ABCC10: variants seen among roughly 807,000 people sequenced by gnomAD.
ABCC10 encodes the protein ATP binding cassette subfamily C member 10.
ABCC10 carries 110 observed loss-of-function variants against 143.2 expected under a neutral mutation model. That is an observed-to-expected ratio of 0.77 (90% confidence interval 0.66 to 0.90). The LOEUF (loss-of-function observed/expected upper bound fraction) is 0.90, where lower values mean the gene tolerates loss of function less well. Ranked by LOEUF, ABCC10 falls within the 40% of genes least tolerant of loss-of-function variation. The pLI, the probability that ABCC10 is intolerant of heterozygous loss-of-function variation, is 0.00. For synonymous variants in ABCC10, 805 were observed against 846.7 expected (o/e 0.95, Z 0.85); for missense variants, 1,700 against 1,900.5 (o/e 0.89, Z 1.96).
downstream of ABCC10, chr6:43,450,494 G>C: frequency 6.6e-7 from 1 of 1,519,334 alleles, no homozygotes; most frequent in South Asian, 1.3e-5. This position sits in a 1 kb window ranked among gnomAD's most constrained non-coding sequence, Gnocchi z 4.5. Context: ...TCCAGTCTGA[G>C]GGGTGGAAGA....
rs1169452439 is a variant in ABCC10 at position 43,449,105 on chromosome 6, AG to A, written c.4106del. 6.2e-7 allele frequency: 1 copy of A among 1,614,138 alleles called. No individual in the cohort carries two copies. The highest frequency in any genetic ancestry group is 8.5e-7 in the Non-Finnish European group (1 of 1,179,994). On this transcript the variant is annotated splice_acceptor_variant, in intron 19 of 21. Coordinates refer to ENST00000372530, the MANE Select transcript of ABCC10 (RefSeq NM_001198934.2). LOFTEE classifies it high-confidence loss of function. ...CCTGCAACGAAGATGCTTTCCTTGCAGGTGGTCTGGATGGTGAGCTGGGTGA... is the reference window on the plus strand; with the variant it reads ...CCTGCAACGAAGATGCTTTCCTTGCAGTGGTCTGGATGGTGAGCTGGGTGA...
chr6:43,438,629 G>A lies in ABCC10; in HGVS notation c.1961G>A (p.Arg654His), dbSNP rs556386730. Residue 654 changes from arginine (R) to histidine (H), a missense_variant, in exon 8 of 22, where the codon CGT (arginine) becomes CAT (histidine). Physicochemically the swap from Arg to His is conservative, Grantham distance 29. Coordinates refer to ENST00000372530, the MANE Select transcript of ABCC10 (RefSeq NM_001198934.2). ...GCTCGCCTGGCTCTCTGCAGGCTGC[G>A]TGGGCATGTGGCAGTGCGGGGGCTG... The part of the protein sequence containing the change: ...AAIAGELHRL[R>H]GHVAVRGLSK... The A allele has an allele frequency of 6.8e-6, 11 of 1,613,832 alleles. No homozygotes were observed. Among genetic ancestry groups the A allele is most frequent in the South Asian group, 3.3e-5 (3 of 91,086 alleles).
Position 43,443,430 on chromosome 6 carries a change from T to G in ABCC10, c.2416+271T>G. 2.5e-6 allele frequency: 1 copy of G among 400,004 alleles called. No individual in the cohort carries two copies. The highest frequency in any genetic ancestry group is 4.4e-6 in the Non-Finnish European group (1 of 225,714). 24.8% of individuals were successfully genotyped at this position (400,004 alleles called of 1,614,324 possible). The stretch of plus-strand genomic sequence containing the variant: ...GGTCTCTGAGAACATTCTCATATCT[T>G]CAGAGAAGAGAAAGGAGTCAGGTTT... On this transcript the variant is annotated intron_variant, in intron 10 of 21. Transcript: ENST00000372530. This position sits in a 1 kb window ranked among gnomAD's most constrained non-coding sequence, Gnocchi z 4.2.
intron 2 of ABCC10, among the ~76,000 whole-genome samples, chr6:43,429,409 T>TGTGTGG (rs1562163670): frequency 7.3e-5 from 2 of 27,464 alleles, no homozygotes; most frequent in Non-Finnish European, 1.6e-4. Flanking sequence ...TGTGTGTGTG[T>TGTGTGG]GGCGGGGGGG....
chr6:43,450,205 C>A lies in ABCC10; in HGVS notation c.*114C>A. The A allele has an allele frequency of 3.0e-6, 4 of 1,312,016 alleles. No individual in the cohort carries two copies. Among genetic ancestry groups the A allele is most frequent in the Non-Finnish European group, 4.2e-6 (4 of 957,436 alleles). 81.3% of individuals were successfully genotyped at this position (1,312,016 alleles called of 1,614,324 possible). ...TCTGGGGCTCTACCTCTCCACACTT[C>A]CCCAGAAGGGAAAAGGGCACCCTGG... On this transcript the variant is annotated 3_prime_UTR_variant, in exon 22 of 22. Coordinates refer to ENST00000372530, the MANE Select transcript of ABCC10 (RefSeq NM_001198934.2). The surrounding 1 kb of genome is among the most constrained non-coding windows in gnomAD (Gnocchi z 4.5).
At chr6:43,436,047 A>C in intron 5 of ABCC10, 91 bp from the exon 6 acceptor site, 1 of 1,605,916 alleles carries the variant, frequency 6.2e-7, no homozygotes, top group Non-Finnish European at 8.5e-7. Context: ...GGGCAGGTAG[A>C]TATGGGGCTG....
chr6:43,434,536 T>A, intron 3 of ABCC10, 85 bp from the exon 4 acceptor site: 1 of 1,305,554 alleles, frequency 7.7e-7, no homozygotes, highest in South Asian at 1.3e-5. Flanking sequence ...CTGAACATTC[T>A]GCCAGCAGCC....
intron 7 of ABCC10, 63 bp from the exon 8 acceptor site, chr6:43,438,561 G>T: frequency 6.3e-7 from 1 of 1,577,934 alleles, no homozygotes; most frequent in Non-Finnish European, 8.6e-7. Flanking sequence ...AGGAGTCAAG[G>T]GCTGGGCATG....
At chr6:43,446,190 C>T in intron 15 of ABCC10, 87 bp from the exon 16 acceptor site, 2 of 1,487,726 alleles carry the variant, frequency 1.3e-6, no homozygotes, top group Non-Finnish European at 1.8e-6. Context: ...AGGAGCTGCT[C>T]AATAAGGGCC....
intron 2 of ABCC10, 165 bp from the exon 3 acceptor site, chr6:43,431,977 C>G: frequency 7.0e-7 from 1 of 1,431,788 alleles, no homozygotes; most frequent in Non-Finnish European, 9.2e-7. Flanking sequence ...GGAAGACTTC[C>G]TGGGAGAAAA....
chr6:43,436,773 G>T (rs9349256), intron 6 of ABCC10, among the ~76,000 whole-genome samples: 1 of 152,004 alleles, frequency 6.6e-6, no homozygotes, highest in South Asian at 2.1e-4. Flanking sequence ...CCTGACCTTT[G>T]TCCAACCCTG....
At position 43,428,104 on chromosome 6, in the gene ABCC10, C is replaced by T. The variant is rs750021761; in HGVS notation, c.126C>T (p.Leu42=). The T allele has an allele frequency of 2.1e-5, 32 of 1,551,034 alleles. No homozygotes were observed. Among genetic ancestry groups the T allele is most frequent in the Non-Finnish European group, 2.8e-5 (32 of 1,149,726 alleles). ...TCAGCGCCCTGCCCCACGCGCTCCTCGCCGTGCTCAGTGCCTGTTACTTGG... is the reference window on the plus strand; with the variant it reads ...TCAGCGCCCTGCCCCACGCGCTCCTTGCCGTGCTCAGTGCCTGTTACTTGG... ...LVLSALPHAL[L]AVLSACYLGT... Residue 42 remains leucine, a synonymous_variant, in exon 2 of 22, where the codon CTC becomes CTT. Coordinates refer to ENST00000372530, the MANE Select transcript of ABCC10 (RefSeq NM_001198934.2).
At chr6:43,432,095 C>A (rs1254514982) in intron 2 of ABCC10, 47 bp from the exon 3 acceptor site, 1 of 1,597,826 alleles carries the variant, frequency 6.3e-7, no homozygotes, top group East Asian at 2.2e-5. Context: ...ATGTCTGGCT[C>A]CTGAGTCAGC....
intron 8 of ABCC10, among the ~76,000 whole-genome samples, chr6:43,440,146 G>T (rs1288283767): frequency 2.0e-5 from 3 of 150,918 alleles, no homozygotes; most frequent in Non-Finnish European, 4.4e-5. Context: ...TAGTAGAGAT[G>T]GGGTTTCACC....
chr6:43,428,751 G>A (rs1189717857), intron 2 of ABCC10, among the ~76,000 whole-genome samples: 1 of 152,224 alleles, frequency 6.6e-6, no homozygotes. Flanking sequence ...CATTCTGGCT[G>A]CCGAGAAGAT....
At chr6:43,446,089 A>T in intron 15 of ABCC10, 147 bp downstream of exon 15, 1 of 1,172,706 alleles carries the variant, frequency 8.5e-7, no homozygotes. Flanking sequence ...AGAAGGAGAT[A>T]GGGAGGCAGA....
Position 43,428,136 on chromosome 6 carries a change from C to T in ABCC10, c.158C>T (p.Pro53Leu), listed in dbSNP as rs1188709240. 8.5e-6 allele frequency: 13 copies of T among 1,533,974 alleles called. 1 individual carries two copies. In the Admixed American group the frequency reaches 1.4e-4, roughly 16 times the overall value. Residue 53 changes from proline to leucine, a missense_variant, in exon 2 of 22, where the codon CCG becomes CTG. Transcript: ENST00000372530. ...CTCAGTGCCTGTTACTTGGGCACCC[C>T]GAGGTGGGTAGAGACGGGCGCAAGG... Reference protein sequence around the residue: ...AVLSACYLGTPRSPDYILPCS... With the variant: ...AVLSACYLGTLRSPDYILPCS...
intron 2 of ABCC10, 120 bp from the exon 3 acceptor site, chr6:43,432,022 A>G (rs755726765): frequency 8.5e-5 from 126 of 1,481,458 alleles, no homozygotes; most frequent in Non-Finnish European, 1.1e-4. Flanking sequence ...GAGTAGGGAT[A>G]AGATGTGCAA....
In ABCC10 at chr6:43,446,420, A is replaced by G; in HGVS notation, c.3518A>G (p.Gln1173Arg). 6.2e-7 allele frequency: 1 copy of G among 1,611,956 alleles called. No individual in the cohort carries two copies. Among genetic ancestry groups the G allele is most frequent in the Non-Finnish European group, 8.5e-7 (1 of 1,179,678 alleles). Residue 1173 changes from glutamine to arginine, a missense_variant, in exon 16 of 22, where the codon CAG (glutamine) becomes CGG (arginine). Physicochemically the swap from Gln to Arg is conservative, Grantham distance 43. Transcript: ENST00000372530. The part of the protein sequence containing the change: ...VSAIAGIALV[Q>R]HQQGLANPGL... ...GCTATCGCAGGCATCGCTCTGGTGC[A>G]GCACCAGCAGGGCCTCGCTAACCCA... is the stretch of plus-strand genomic sequence containing the variant.
Sources: allele counts gnomAD v4.1 joint callset (sites outside exome capture counted in the v4.1 genomes callset), GRCh38; gene constraint gnomAD v4.1.1; non-coding constraint Gnocchi (gnomAD v3.1); transcripts MANE v1.5; gene names NCBI Gene and HGNC (gene_info 2026-07-23, HGNC 2026-07-21).